SLC25A15: variants seen among roughly 807,000 people sequenced by gnomAD.
The protein encoded by SLC25A15 is mitochondrial ornithine transporter 1.
A neutral mutation model predicts 32.3 loss-of-function variants in SLC25A15; 24 were observed. That is an observed-to-expected ratio of 0.74 (90% CI 0.54 to 1.04). The LOEUF (loss-of-function observed/expected upper bound fraction) is 1.04, where lower values mean the gene tolerates loss of function less well. SLC25A15 is among the 50% of genes least tolerant of loss of function. SLC25A15 has a pLI of 0.00. For missense variants in SLC25A15, 317 were observed against 374.5 expected (o/e 0.85, Z 1.27); for synonymous variants, 132 against 142.1 (o/e 0.93, Z 0.51).
intron 1 of SLC25A15, among the ~76,000 whole-genome samples, chr13:40,790,579 G>T (rs1282269552): frequency 6.6e-6 from 1 of 152,108 alleles, no homozygotes; most frequent in Non-Finnish European, 1.5e-5. Flanking sequence ...GCTATTTGTA[G>T]AATTTATTTG....
intron 1 of SLC25A15, among the ~76,000 whole-genome samples, chr13:40,789,922 C>T (rs1881420702): frequency 6.6e-6 from 1 of 152,200 alleles, no homozygotes; most frequent in Admixed American, 6.5e-5. Flanking sequence ...TGCGGGGCTC[C>T]GCGCCTCAGG....
In SLC25A15 at chr13:40,793,271, G is replaced by T. The variant is rs200958757; in HGVS notation, c.45G>T (p.Ala15=). 3.1e-6 allele frequency: 5 copies of T among 1,613,360 alleles called. No homozygotes were observed. In the African/African-American group the frequency reaches 6.7e-5, roughly 22 times the overall value. Residue 15 remains alanine (A), a synonymous_variant, in exon 2 of 7, where the codon GCG becomes GCT. Transcript: ENST00000338625. The part of the protein sequence containing the change: ...PAIQAAIDLT[A]GAAGGTACVL... Reference sequence around the variant, plus strand: ...TCCAGGCTGCCATTGACCTCACAGCGGGGGCTGCAGGTACAGTCATGTGCC... The same window carrying T: ...TCCAGGCTGCCATTGACCTCACAGCTGGGGCTGCAGGTACAGTCATGTGCC...
chr13:40,792,427 C>T (rs1270002929), intron 1 of SLC25A15, among the ~76,000 whole-genome samples: 1 of 152,210 alleles, frequency 6.6e-6, no homozygotes, highest in Non-Finnish European at 1.5e-5. Flanking sequence ...GGCCCCCAGG[C>T]TACTCCTGCA....
Position 40,809,882 on chromosome 13 carries a change from C to T in SLC25A15, c.*215C>T. 1.8e-6 allele frequency: 1 copy of T among 565,360 alleles called. No individual in the cohort carries two copies. Among genetic ancestry groups the T allele is most frequent in the Non-Finnish European group, 3.2e-6 (1 of 317,110 alleles). 35.0% of individuals were successfully genotyped at this position (565,360 alleles called of 1,614,324 possible). A position where few individuals can be genotyped will look rare whatever the true frequency, so the allele number is the denominator to read the frequency against. ...TAATTGTACTGAAATAGAAAAGTGACCGCTCTTGCTCTTGGTAAAATATAG... is the reference window on the plus strand; with the variant it reads ...TAATTGTACTGAAATAGAAAAGTGATCGCTCTTGCTCTTGGTAAAATATAG... On this transcript the variant is annotated 3_prime_UTR_variant, in exon 7 of 7. Transcript: ENST00000338625.
intron 3 of SLC25A15, among the ~76,000 whole-genome samples, chr13:40,804,600 G>A (rs1882071726): frequency 6.7e-6 from 1 of 150,360 alleles, no homozygotes; most frequent in African/African-American, 2.5e-5. Flanking sequence ...AGAGTACAGT[G>A]GCACAATCTC....
At chr13:40,793,858 A>G (rs1467902650) in intron 2 of SLC25A15, among the ~76,000 whole-genome samples, 1 of 152,236 alleles carries the variant, frequency 6.6e-6, no homozygotes, top group African/African-American at 2.4e-5. Context: ...TACAGCTGGA[A>G]AACAGCTCAG....
At chr13:40,793,613 C>T (rs944345337) in intron 2 of SLC25A15, among the ~76,000 whole-genome samples, 1 of 152,188 alleles carries the variant, frequency 6.6e-6, no homozygotes, top group South Asian at 2.1e-4. Context: ...AGTCATTAAG[C>T]AATGCCTAAC....
chr13:40,796,401 C>T (rs1476783911), intron 2 of SLC25A15, among the ~76,000 whole-genome samples: 1 of 152,076 alleles, frequency 6.6e-6, no homozygotes, highest in Non-Finnish European at 1.5e-5. Context: ...AATGGGGGTG[C>T]GTGGATCCCA....
chr13:40,803,532 C>T (rs1016147206), intron 3 of SLC25A15, among the ~76,000 whole-genome samples: 1 of 152,242 alleles, frequency 6.6e-6, no homozygotes, highest in African/African-American at 2.4e-5. Flanking sequence ...TTTCACAACC[C>T]TGCTGGTGAC....
Position 40,807,286 on chromosome 13 carries a change from C to T in SLC25A15, c.453-8C>T, listed in dbSNP as rs368094314. The stretch of plus-strand genomic sequence containing the variant: ...GTAACCGTGCTATCTCTCTGTGTCT[C>T]CTCCCAGTACAGTGTGGTCTGTCAT... On this transcript the variant is annotated splice_polypyrimidine_tract_variant and splice_region_variant and intron_variant, in intron 4 of 6. Coordinates refer to ENST00000338625, the MANE Select transcript of SLC25A15 (RefSeq NM_014252.4). 4.3e-6 allele frequency: 7 copies of T among 1,613,886 alleles called. No homozygotes were observed. The African/African-American group carries it at 5.3e-5, about 12-fold the overall frequency.
chr13:40,798,028 C>T (rs1222756736), intron 2 of SLC25A15, among the ~76,000 whole-genome samples: 1 of 152,046 alleles, frequency 6.6e-6, no homozygotes, highest in Non-Finnish European at 1.5e-5. Context: ...CTTATGCCTC[C>T]CAGCATTTTG....
rs1212665292 is a variant in SLC25A15 at position 40,811,010 on chromosome 13, C to G, written c.*1343C>G. The G allele has an allele frequency of 2.6e-6, 1 of 379,458 alleles. No homozygotes were observed. The highest frequency in any genetic ancestry group is 5.3e-6 in the Non-Finnish European group (1 of 190,446). The allele number at this position is 379,458 out of a possible 1,614,324, so 23.5% of individuals were successfully genotyped here. On this transcript the variant is annotated 3_prime_UTR_variant, in exon 7 of 7. Transcript: ENST00000338625. ...TGTGTGACAGTGGGTGAACCTCTCTCAGAGAGAACTAGAAAGAACTCAGTG... is the reference window on the plus strand; with the variant it reads ...TGTGTGACAGTGGGTGAACCTCTCTGAGAGAGAACTAGAAAGAACTCAGTG...
At chr13:40,793,086 T>C in intron 1 of SLC25A15, 72 bp from the exon 2 acceptor site, 1 of 818,610 alleles carries the variant, frequency 1.2e-6, no homozygotes, top group Non-Finnish European at 2.1e-6. Context: ...TTAGGTTCTG[T>C]AATTTGGCTG....
At chr13:40,799,979 T>C (rs1464237837) in intron 3 of SLC25A15, among the ~76,000 whole-genome samples, 1 of 152,222 alleles carries the variant, frequency 6.6e-6, no homozygotes. Flanking sequence ...GGTCTTGCCT[T>C]GGGTATTTAT....
rs746560103 is a variant in SLC25A15, at chr13:40,799,159, A to G, written c.158A>G (p.Lys53Arg). ...LYRGLTDCCL[K>R]TYSQVGFRGF... ...CGGGGCCTCACCGACTGCTGCCTGAAGACTTACTCCCAGGTGGGCTTCCGT... is the reference window on the plus strand; with the variant it reads ...CGGGGCCTCACCGACTGCTGCCTGAGGACTTACTCCCAGGTGGGCTTCCGT... Residue 53 changes from lysine (K) to arginine (R), a missense_variant, in exon 3 of 7, where the codon AAG becomes AGG. By Grantham distance (26) the Lys-to-Arg change is conservative. Coordinates refer to ENST00000338625, the MANE Select transcript of SLC25A15 (RefSeq NM_014252.4). 1.2e-6 allele frequency: 2 copies of G among 1,614,208 alleles called. No individual in the cohort carries two copies. The highest frequency in any genetic ancestry group is 1.3e-5 in the African/African-American group (1 of 75,044).
chr13:40,807,303 G>T lies in SLC25A15; in HGVS notation c.462G>T (p.Trp154Cys), dbSNP rs372332143. 2 of 1,613,908 alleles carry T rather than the reference G, an allele frequency of 1.2e-6. No individual in the cohort carries two copies. Among genetic ancestry groups the T allele is most frequent in the African/African-American group, 2.7e-5 (2 of 74,878 alleles). ...CTGTGTCTCCTCCCAGTACAGTGTGGTCTGTCATCAAAAGTATTCTTAGGA... is the reference window on the plus strand; with the variant it reads ...CTGTGTCTCCTCCCAGTACAGTGTGTTCTGTCATCAAAAGTATTCTTAGGA... ...GKIAKSQNTV[W>C]SVIKSILRKD... The change falls in exon 5 of 7, where the codon TGG (tryptophan) becomes TGT (cysteine). Residue 154 changes from tryptophan (W) to cysteine (C), a missense_variant. Physicochemically the swap from Trp to Cys is radical, Grantham distance 215 (BLOSUM62 -2). Transcript: ENST00000338625.
intron 3 of SLC25A15, among the ~76,000 whole-genome samples, chr13:40,800,480 C>G (rs907052911): frequency 6.6e-6 from 1 of 152,086 alleles, no homozygotes; most frequent in Admixed American, 6.5e-5. Flanking sequence ...TAGTTTTGTT[C>G]CCTGTTGAAG....
chr13:40,795,883 T>C (rs998587531), intron 2 of SLC25A15, among the ~76,000 whole-genome samples: 1 of 152,296 alleles, frequency 6.6e-6, no homozygotes, highest in South Asian at 2.1e-4. Context: ...AGTAGATTTG[T>C]TCAAGGTTAC....
chr13:40,790,129 T>C (rs1024091143), intron 1 of SLC25A15, among the ~76,000 whole-genome samples: 3 of 152,168 alleles, frequency 2.0e-5, no homozygotes, highest in Non-Finnish European at 4.4e-5. Context: ...GATTTGCATC[T>C]CCACGCTTTA....
Sources: allele counts gnomAD v4.1 joint callset (sites outside exome capture counted in the v4.1 genomes callset), GRCh38; gene constraint gnomAD v4.1.1; transcripts MANE v1.5; gene names NCBI Gene and HGNC (gene_info 2026-07-23, HGNC 2026-07-21).